NELL1: variants seen among roughly 807,000 people sequenced by gnomAD.
The protein encoded by NELL1 is protein kinase C-binding protein NELL1.
In NELL1, 76 loss-of-function variants were observed where a neutral mutation model predicts 107.4. That is an observed-to-expected ratio of 0.71 (90% CI 0.59 to 0.86). The LOEUF (loss-of-function observed/expected upper bound fraction) is 0.86. Ranked by LOEUF, NELL1 falls within the 40% of genes least tolerant of loss-of-function variation. The pLI is 0.00. For synonymous variants in NELL1, 353 were observed against 341.2 expected (o/e 1.03, Z -0.38); for missense variants, 1,024 against 1,005.5 (o/e 1.02, Z -0.25).
intron 15 of NELL1, among the ~76,000 whole-genome samples, chr11:21,520,423 G>A (rs971028253): frequency 6.6e-6 from 1 of 152,078 alleles, no homozygotes; most frequent in Non-Finnish European, 1.5e-5. Context: ...CAGTACTATT[G>A]ATAAGAATCT....
chr11:21,078,043 C>G (rs1290492885), intron 12 of NELL1, among the ~76,000 whole-genome samples: 2 of 151,802 alleles, frequency 1.3e-5, no homozygotes, highest in Non-Finnish European at 2.9e-5. Flanking sequence ...GAGTGTTACA[C>G]CTAATTACGT....
intron 15 of NELL1, among the ~76,000 whole-genome samples, chr11:21,422,895 A>C (rs1363821967): frequency 6.6e-6 from 1 of 152,192 alleles, no homozygotes; most frequent in African/African-American, 2.4e-5. Flanking sequence ...AGAGATGGGC[A>C]GAATGGGTTT....
chr11:21,397,973 TA>T (rs1852017706), intron 15 of NELL1, among the ~76,000 whole-genome samples: 3 of 151,464 alleles, frequency 2.0e-5, no homozygotes, highest in Non-Finnish European at 4.4e-5. Context: ...TTGTGAGAAA[TA>T]AGCTACCTAG....
intron 14 of NELL1, among the ~76,000 whole-genome samples, chr11:21,333,544 T>C (rs1409861668): frequency 6.6e-6 from 1 of 152,048 alleles, no homozygotes; most frequent in Non-Finnish European, 1.5e-5. Flanking sequence ...CAAACTTTCT[T>C]CCATATGTAT....
chr11:21,306,537 G>C (rs143012355), intron 14 of NELL1, among the ~76,000 whole-genome samples: 3 of 151,978 alleles, frequency 2.0e-5, no homozygotes, highest in Non-Finnish European at 4.4e-5. Context: ...GCAGTATGTC[G>C]ATGTTTTTAT....
intron 3 of NELL1, among the ~76,000 whole-genome samples, chr11:20,816,430 G>A (rs1232294210): frequency 2.0e-5 from 3 of 152,146 alleles, no homozygotes; most frequent in East Asian, 1.9e-4. Flanking sequence ...TTTAGTTCTT[G>A]ATTTGGCTCT....
At chr11:21,433,705 C>T (rs1178737091) in intron 15 of NELL1, among the ~76,000 whole-genome samples, 4 of 152,044 alleles carry the variant, frequency 2.6e-5, no homozygotes, top group Non-Finnish European at 5.9e-5. Context: ...GACAGAGTTA[C>T]ACTCTTGTTG....
intron 2 of NELL1, among the ~76,000 whole-genome samples, chr11:20,751,929 C>T (rs77211994): frequency 0.034 from 5,241 of 152,178 alleles, 295 homozygotes; most frequent in African/African-American, 0.12. Flanking sequence ...TCTTGAAATT[C>T]TGCTGAATCC....
chr11:20,913,475 C>T (rs1423154490), intron 5 of NELL1, among the ~76,000 whole-genome samples: 1 of 151,970 alleles, frequency 6.6e-6, no homozygotes, highest in Non-Finnish European at 1.5e-5. Context: ...GGATAATTTT[C>T]TAATTTTTTA....
intron 2 of NELL1, among the ~76,000 whole-genome samples, chr11:20,762,797 T>G (rs1342003231): frequency 6.6e-6 from 1 of 151,974 alleles, no homozygotes; most frequent in Non-Finnish European, 1.5e-5. Context: ...TTTTTGTCTT[T>G]TTTAGAGAAC....
At chr11:20,850,591 C>G (rs1277334086) in intron 4 of NELL1, among the ~76,000 whole-genome samples, 2 of 152,182 alleles carry the variant, frequency 1.3e-5, no homozygotes, top group Non-Finnish European at 2.9e-5. Flanking sequence ...GTGTCTGCAT[C>G]TAGCTACTAC....
chr11:21,571,549 A>G (rs566592928), intron 18 of NELL1, among the ~76,000 whole-genome samples: 144 of 152,002 alleles, frequency 9.5e-4, no homozygotes, highest in African/African-American at 3.3e-3. Flanking sequence ...TGGCTTAGAG[A>G]AGGTACTTAG....
chr11:21,119,407 A>C (rs912485624), intron 13 of NELL1, among the ~76,000 whole-genome samples: 3 of 150,612 alleles, frequency 2.0e-5, no homozygotes, highest in Non-Finnish European at 4.4e-5. Context: ...AAAAAGGATT[A>C]TATATATGGG....
chr11:21,350,914 T>C (rs1026719082), intron 14 of NELL1, among the ~76,000 whole-genome samples: 1 of 152,202 alleles, frequency 6.6e-6, no homozygotes, highest in Non-Finnish European at 1.5e-5. Context: ...TCATTACTTA[T>C]TAACGTGACC....
At position 20,928,470 on chromosome 11, in the gene NELL1, G is replaced by T; in HGVS notation, c.988G>T (p.Val330Phe). ...PVHIAGQCCKVCRPKCIYGGK... is the reference protein window; with the variant it reads ...PVHIAGQCCKFCRPKCIYGGK... ...GCACATTGCTGGCCAGTGCTGTAAG[G>T]TCTGCCGACGTAAGTACTGACTGAG... is the stretch of plus-strand genomic sequence containing the variant. Residue 330 changes from valine to phenylalanine, a missense_variant, in exon 9 of 20, where the codon GTC becomes TTC. Physicochemically the swap from Val to Phe is conservative, Grantham distance 50. Transcript: ENST00000357134. The T allele has an allele frequency of 1.9e-6, 3 of 1,613,396 alleles. No individual in the cohort carries two copies. The highest frequency in any genetic ancestry group is 2.5e-6 in the Non-Finnish European group (3 of 1,179,420).
chr11:21,399,468 T>C (rs1852048589), intron 15 of NELL1, among the ~76,000 whole-genome samples: 1 of 151,782 alleles, frequency 6.6e-6, no homozygotes, highest in Admixed American at 6.6e-5. Flanking sequence ...TCATAACATG[T>C]TTGGTTCTTA....
intron 14 of NELL1, among the ~76,000 whole-genome samples, chr11:21,265,889 C>T (rs1211807495): frequency 6.6e-6 from 1 of 152,002 alleles, no homozygotes; most frequent in Non-Finnish European, 1.5e-5. Context: ...ATTCAAGGCC[C>T]TCTACCCTCT....
At chr11:20,779,070 C>T (rs1326813652) in intron 2 of NELL1, among the ~76,000 whole-genome samples, 1 of 152,102 alleles carries the variant, frequency 6.6e-6, no homozygotes, top group East Asian at 1.9e-4. Context: ...TTCCAGAGCC[C>T]ACATGCTTCC....
At chr11:21,566,641 C>G (rs1856980986) in intron 17 of NELL1, among the ~76,000 whole-genome samples, 1 of 151,718 alleles carries the variant, frequency 6.6e-6, no homozygotes, top group East Asian at 2.0e-4. Flanking sequence ...TCAAACCACC[C>G]AAGTTAGGAT....
Sources: gnomAD v4.1 joint callset for allele counts (sites outside exome capture counted in the v4.1 genomes callset) on GRCh38, gnomAD v4.1.1 for gene constraint, MANE v1.5 for transcripts, NCBI Gene and HGNC (gene_info 2026-07-23, HGNC 2026-07-21) for gene names.